PALD1: variants seen among roughly 807,000 people sequenced by gnomAD.
PALD1 encodes paladin.
A neutral mutation model predicts 96.0 loss-of-function variants in PALD1; 57 were observed. The ratio of observed to expected loss-of-function variants is 0.59; its 90% CI spans 0.48 to 0.74. The LOEUF (loss-of-function observed/expected upper bound fraction) is 0.74. Ranked by LOEUF, PALD1 falls within the 30% of genes least tolerant of loss-of-function variation. The pLI, the probability that PALD1 is intolerant of heterozygous loss-of-function variation, is 0.00. For synonymous variants in PALD1, 464 were observed against 473.6 expected, an observed-to-expected ratio of 0.98 and a Z score of 0.26; for missense variants, 1,063 against 1,143.7, an observed-to-expected ratio of 0.93 and a Z score of 1.02.
chr10:70,529,884 G>T lies in PALD1; in HGVS notation c.289-5G>T. 1 of 1,613,246 alleles carries T rather than the reference G, an allele frequency of 6.2e-7. No homozygotes were observed. The highest frequency in any genetic ancestry group is 8.5e-7 in the Non-Finnish European group (1 of 1,179,640). On this transcript the variant is annotated splice_region_variant and splice_polypyrimidine_tract_variant and intron_variant, in intron 3 of 19. Transcript: ENST00000263563. ...AGTGACCTTCCTGTGGCTCTCCCCTGCCAGGGCCGCTACTTCCTGGTGCGG... is the reference window on the plus strand; with the variant it reads ...AGTGACCTTCCTGTGGCTCTCCCCTTCCAGGGCCGCTACTTCCTGGTGCGG...
At position 70,539,486 on chromosome 10, in the gene PALD1, C is replaced by G; in HGVS notation, c.1726-94C>G. 1 of 1,254,636 alleles carries G rather than the reference C, an allele frequency of 8.0e-7. No homozygotes were observed. The highest frequency in any genetic ancestry group is 2.5e-5 in the East Asian group (1 of 40,130). The allele number at this position is 1,254,636 out of a possible 1,614,324, so 77.7% of individuals were successfully genotyped here. A position where few individuals can be genotyped will look rare whatever the true frequency, so the allele number is the denominator to read the frequency against. On this transcript the variant is annotated intron_variant, in intron 14 of 19. Transcript: ENST00000263563. The surrounding 1 kb of genome is among the most constrained non-coding windows in gnomAD (Gnocchi z 4.5). ...GGGGGTCAGGGATGGGACTGGAAGC[C>G]AGGGCCAGGCCTGGCCATGGCAGGC...
intron 17 of PALD1, among the ~76,000 whole-genome samples, chr10:70,542,557 A>G (rs1350092423): frequency 6.6e-6 from 1 of 152,152 alleles, no homozygotes; most frequent in Non-Finnish European, 1.5e-5. Context: ...AGTTTATTTC[A>G]CTGAGCATAA....
In PALD1 at chr10:70,485,403, C is replaced by CT. The variant is rs1377861628; in HGVS notation, c.-30+6358dup. On this transcript the variant is annotated intron_variant, in intron 1 of 19. Transcript: ENST00000263563. ...TCAGGTTAGTTGTCTGAGCAAACTT[C>CT]TTTTTTTTTTTTTTCTTGTTTTTGA... is the stretch of plus-strand genomic sequence containing the variant. 7.5e-3 allele frequency: 1,077 copies of CT among 142,654 alleles called. 14 individuals carry two copies. The highest frequency in any genetic ancestry group is 0.02 in the African/African-American group (791 of 38,970). The allele number at this position is 142,654 out of a possible 1,614,324, so 8.8% of individuals were successfully genotyped here. A position where few individuals can be genotyped will look rare whatever the true frequency, so the allele number is the denominator to read the frequency against.
intron 1 of PALD1, among the ~76,000 whole-genome samples, chr10:70,493,458 CTCTG>C (rs1388928534): frequency 8.5e-5 from 13 of 152,190 alleles, no homozygotes; most frequent in South Asian, 2.1e-4. Context: ...TCCTCTTTTC[CTCTG>C]TCTGTCTTTT....
intron 1 of PALD1, among the ~76,000 whole-genome samples, chr10:70,511,643 A>G (rs1846518138): frequency 6.6e-6 from 1 of 152,224 alleles, no homozygotes; most frequent in South Asian, 2.1e-4. Context: ...CATCTGGTGC[A>G]GGCCTTCTTG....
intron 10 of PALD1, among the ~76,000 whole-genome samples, chr10:70,535,329 A>C (rs181137665): frequency 2.3e-3 from 355 of 152,322 alleles, no homozygotes; most frequent in African/African-American, 7.9e-3. Flanking sequence ...ATCTAAAGCC[A>C]CAGAGGCAGC....
At chr10:70,464,665 G>A in the PALD1 span, among the ~76,000 whole-genome samples, 6 of 127,836 alleles carry the variant, frequency 4.7e-5, no homozygotes, top group African/African-American at 9.0e-5. Context: ...TTGCTCTGTC[G>A]CCCAGGCTGG....
rs767444712 is a variant in PALD1, at chr10:70,525,926, T to TG, written c.-22dup. ...TGCACACCCTCTTATCCTACAGGTCTGGGGTCCTGAGGCTGCTGGCAGACT... is the reference window on the plus strand; with the variant it reads ...TGCACACCCTCTTATCCTACAGGTCTGGGGGTCCTGAGGCTGCTGGCAGACT... On this transcript the variant is annotated 5_prime_UTR_variant, in exon 2 of 20. It removes the in-frame stop codon of an upstream open reading frame in the 5' UTR. Coordinates refer to ENST00000263563, the MANE Select transcript of PALD1 (RefSeq NM_014431.3). 144 of 1,613,156 alleles carry TG rather than the reference T, an allele frequency of 8.9e-5. No individual in the cohort carries two copies. The highest frequency in any genetic ancestry group is 1.1e-4 in the Non-Finnish European group (131 of 1,179,614).
At chr10:70,557,377 G>A (rs974829093) in intron 18 of PALD1, among the ~76,000 whole-genome samples, 4 of 152,182 alleles carry the variant, frequency 2.6e-5, no homozygotes, top group Non-Finnish European at 5.9e-5. Context: ...GAACGAGACT[G>A]TGTCCTCTCA....
At chr10:70,514,017 C>T (rs1014743153) in intron 1 of PALD1, among the ~76,000 whole-genome samples, 2 of 152,232 alleles carry the variant, frequency 1.3e-5, no homozygotes, top group African/African-American at 4.8e-5. Context: ...GCAGGGACTT[C>T]CCCATCCCTC....
chr10:70,547,234 G>C lies in PALD1; in HGVS notation c.2122-72G>C. On this transcript the variant is annotated intron_variant, in intron 17 of 19. Transcript: ENST00000263563. The stretch of plus-strand genomic sequence containing the variant: ...GGCCTGGTGTGGCCTTTTGGTGAGG[G>C]TGCAAGCCTGGTGCTTGGGCTGAGG... The C allele has an allele frequency of 3.5e-6, 5 of 1,436,160 alleles. No individual in the cohort carries two copies. The South Asian group carries it at 5.8e-5, about 17-fold the overall frequency. The allele number at this position is 1,436,160 out of a possible 1,614,324, so 89.0% of individuals were successfully genotyped here.
At chr10:70,533,506 G>T (rs1040575807) in intron 7 of PALD1, among the ~76,000 whole-genome samples, 1 of 152,226 alleles carries the variant, frequency 6.6e-6, no homozygotes, top group South Asian at 2.1e-4. Context: ...GTGTGGTCCC[G>T]GACTAATCAC....
At chr10:70,497,202 C>T (rs983634321) in intron 1 of PALD1, among the ~76,000 whole-genome samples, 6 of 152,230 alleles carry the variant, frequency 3.9e-5, no homozygotes, top group African/African-American at 1.4e-4. Context: ...AGGCACAGAC[C>T]CCGATCAGCA....
intron 12 of PALD1, among the ~76,000 whole-genome samples, 163 bp from the exon 13 acceptor site, chr10:70,538,726 ACTT>A (rs1474604737): frequency 2.0e-5 from 3 of 152,124 alleles, no homozygotes; most frequent in Non-Finnish European, 4.4e-5. Flanking sequence ...GCACCATTGC[ACTT>A]CTTCTTGCCA....
intron 18 of PALD1, among the ~76,000 whole-genome samples, chr10:70,549,694 T>C (rs1847441539): frequency 6.6e-6 from 1 of 152,202 alleles, no homozygotes; most frequent in South Asian, 2.1e-4. Flanking sequence ...ACAGAAGTTA[T>C]TGGAGATGAG....
intron 17 of PALD1, among the ~76,000 whole-genome samples, chr10:70,543,143 T>C (rs1342217447): frequency 6.7e-6 from 1 of 150,372 alleles, no homozygotes; most frequent in Non-Finnish European, 1.5e-5. Flanking sequence ...ATTTCTCTAA[T>C]GATTAGTGAT....
chr10:70,557,316 G>A (rs1847630691), intron 18 of PALD1, among the ~76,000 whole-genome samples: 1 of 152,104 alleles, frequency 6.6e-6, no homozygotes, highest in Non-Finnish European at 1.5e-5. Context: ...GGGTGGCTGG[G>A]CTGCCAGGCA....
At chr10:70,541,298 C>G in intron 16 of PALD1, 56 bp downstream of exon 16, 4 of 1,563,948 alleles carry the variant, frequency 2.6e-6, no homozygotes. Context: ...GGTAGACACT[C>G]AGGTCCCAGG....
intron 4 of PALD1, among the ~76,000 whole-genome samples, chr10:70,530,344 G>C (rs980387560): frequency 6.6e-6 from 1 of 152,338 alleles, no homozygotes; most frequent in African/African-American, 2.4e-5. Flanking sequence ...AGCAGGGGGC[G>C]TGACCGGGTG....
Sources: allele counts gnomAD v4.1 joint callset (sites outside exome capture counted in the v4.1 genomes callset), GRCh38; gene constraint gnomAD v4.1.1; non-coding constraint Gnocchi (gnomAD v3.1); transcripts MANE v1.5; gene names NCBI Gene and HGNC (gene_info 2026-07-23, HGNC 2026-07-21).